The following CLPB variants were observed in gnomAD, a reference collection of about 807,000 sequenced individuals.
CLPB encodes mitochondrial disaggregase.
Under a neutral mutation model 78.4 loss-of-function variants are expected in CLPB, and 40 were observed. The ratio of observed to expected loss-of-function variants is 0.51; its 90% CI spans 0.40 to 0.66. CLPB has a LOEUF of 0.66. CLPB is among the 30% of genes least tolerant of loss of function. The pLI, the probability that CLPB is intolerant of heterozygous loss-of-function variation, is 0.00. For synonymous variants in CLPB, 333 were observed against 348.0 expected, an observed-to-expected ratio of 0.96 and a Z score of 0.48; for missense variants, 780 against 886.9, an observed-to-expected ratio of 0.88 and a Z score of 1.53.
Position 72,380,928 on chromosome 11 carries a change from G to A in CLPB, c.543-544C>T, listed in dbSNP as rs114873430. ...CAGCTCAAAGTGTGATAAAGGTTAC[G>A]ACAGGAGAAACGTGCAGCAGACCAA... On this transcript the variant is annotated intron_variant, in intron 3 of 15. Transcript: ENST00000538039. Among the ~76,000 whole-genome samples the A allele has an allele frequency of 3.4e-3, 511 of 152,268 alleles. 6 individuals are homozygous for A. The highest frequency in any genetic ancestry group is 0.012 in the African/African-American group (479 of 41,554).
chr11:72,407,543 T>C (rs934209386), intron 2 of CLPB, among the ~76,000 whole-genome samples: 3 of 152,146 alleles, frequency 2.0e-5, no homozygotes, highest in Non-Finnish European at 4.4e-5. Context: ...CCTGCTATCA[T>C]AGAACTCCTG....
At chr11:72,372,888 G>A in intron 4 of CLPB, 1 of 1,559,864 alleles carries the variant, frequency 6.4e-7, no homozygotes, top group South Asian at 1.1e-5. Context: ...CATGTCCTGG[G>A]GAGGGGGAGA....
intron 4 of CLPB, among the ~76,000 whole-genome samples, chr11:72,360,587 C>T (rs1950819620): frequency 6.6e-6 from 1 of 152,098 alleles, no homozygotes; most frequent in Non-Finnish European, 1.5e-5. Flanking sequence ...CAGGTGCCCG[C>T]CACCACAGCC....
In CLPB at chr11:72,293,366, GC is replaced by G. The variant is rs1474136193; in HGVS notation, c.2034del (p.Ter678TyrfsTer24). ...LHPEKVCNTI[*>X] ...GGCACATAGGAGCAGGCAGGTGGCTGCTAGATGGTGTTGCACACCTTCTCAG... is the reference window on the plus strand; with the variant it reads ...GGCACATAGGAGCAGGCAGGTGGCTGTAGATGGTGTTGCACACCTTCTCAG... On this transcript the variant is annotated frameshift_variant and stop_lost, in exon 16 of 16. Coordinates refer to ENST00000538039, the MANE Select transcript of CLPB (RefSeq NM_001258392.3). LOFTEE classifies it high-confidence loss of function. 2 of 1,612,696 alleles carry G rather than the reference GC, an allele frequency of 1.2e-6. No individual in the cohort carries two copies. Among genetic ancestry groups the G allele is most frequent in the Non-Finnish European group, 1.7e-6 (2 of 1,178,820 alleles).
intron 2 of CLPB, among the ~76,000 whole-genome samples, chr11:72,421,098 G>A (rs1856183927): frequency 6.6e-6 from 1 of 152,208 alleles, no homozygotes; most frequent in Admixed American, 6.5e-5. Context: ...AGGGTGGGAG[G>A]ACCAGCTTTT....
chr11:72,332,050 CTT>C (rs547229056), intron 5 of CLPB, among the ~76,000 whole-genome samples: 59 of 152,216 alleles, frequency 3.9e-4, no homozygotes, highest in African/African-American at 1.4e-3. Flanking sequence ...GTGAAGGAAA[CTT>C]TTATTATCAG....
At chr11:72,318,682 T>A (rs1388087489) in intron 6 of CLPB, among the ~76,000 whole-genome samples, 1 of 152,156 alleles carries the variant, frequency 6.6e-6, no homozygotes, top group Non-Finnish European at 1.5e-5. Flanking sequence ...TTAAAAAAAA[T>A]AAATAGCAAA....
chr11:72,294,144 G>A lies in CLPB; in HGVS notation c.1681-18C>T, dbSNP rs1222601651. 5 of 1,612,398 alleles carry A rather than the reference G, an allele frequency of 3.1e-6. No homozygotes were observed. Among genetic ancestry groups the A allele is most frequent in the Non-Finnish European group, 4.2e-6 (5 of 1,178,744 alleles). ...TGCTTGGCCTGAGATGGGTCAGATA[G>A]AAGCATGCCTGCATGTGGCCCACTG... On this transcript the variant is annotated intron_variant, in intron 14 of 15. Coordinates refer to ENST00000538039, the MANE Select transcript of CLPB (RefSeq NM_001258392.3).
chr11:72,402,681 C>T (rs1565487575), intron 3 of CLPB, among the ~76,000 whole-genome samples: 1 of 152,230 alleles, frequency 6.6e-6, no homozygotes, highest in Non-Finnish European at 1.5e-5. Flanking sequence ...ATAAACACAA[C>T]CAATTACAAC....
chr11:72,337,744 G>T (rs1167559321), intron 5 of CLPB, among the ~76,000 whole-genome samples: 1 of 152,138 alleles, frequency 6.6e-6, no homozygotes, highest in Admixed American at 6.5e-5. Flanking sequence ...AAGGCCTGAT[G>T]ACTCAAAAAG....
chr11:72,298,542 G>A (rs568923416), intron 11 of CLPB, among the ~76,000 whole-genome samples: 1 of 152,322 alleles, frequency 6.6e-6, no homozygotes. Flanking sequence ...CTGTTGCCCA[G>A]GTTGGAGCGC....
chr11:72,394,950 C>G (rs971263708), intron 3 of CLPB, among the ~76,000 whole-genome samples: 1 of 152,130 alleles, frequency 6.6e-6, no homozygotes, highest in Non-Finnish European at 1.5e-5. Context: ...TCTTGGGTTC[C>G]CTGCCGGTTG....
At chr11:72,326,023 T>C (rs1390542973) in intron 6 of CLPB, among the ~76,000 whole-genome samples, 1 of 152,164 alleles carries the variant, frequency 6.6e-6, no homozygotes, top group Non-Finnish European at 1.5e-5. Context: ...TTATAACAAC[T>C]TGGTTTTCTG....
Position 72,288,138 on chromosome 11 carries a change from T to TAAAC in CLPB, c.*5225_*5228dup, listed in dbSNP as rs1422752620. 2 of 152,126 alleles carry TAAAC rather than the reference T, an allele frequency of 1.3e-5. No individual in the cohort carries two copies. The highest frequency in any genetic ancestry group is 2.9e-5 in the Non-Finnish European group (2 of 68,018). 9.4% of individuals were successfully genotyped at this position (152,126 alleles called of 1,614,324 possible). A position where few individuals can be genotyped will look rare whatever the true frequency, so the allele number is the denominator to read the frequency against. The stretch of plus-strand genomic sequence containing the variant: ...CCTTTGAGTTTTTCTTTTTGAACAA[T>TAAAC]AAACATGTTACACTTTCATTTCCAA... On this transcript the variant is annotated 3_prime_UTR_variant, in exon 16 of 16. Transcript: ENST00000538039.
intron 4 of CLPB, among the ~76,000 whole-genome samples, chr11:72,360,167 G>A (rs112309022): frequency 4.7e-4 from 72 of 152,264 alleles, no homozygotes; most frequent in African/African-American, 1.6e-3. Context: ...ATTCCCTCCT[G>A]AGCTGAGTTT....
intron 5 of CLPB, among the ~76,000 whole-genome samples, chr11:72,347,543 T>C (rs948802892): frequency 6.6e-6 from 1 of 152,222 alleles, no homozygotes; most frequent in Non-Finnish European, 1.5e-5. Flanking sequence ...TGGACAATTC[T>C]TTGATTGGAG....
intron 1 of CLPB, among the ~76,000 whole-genome samples, chr11:72,432,847 A>T (rs1856586605): frequency 6.6e-6 from 1 of 152,172 alleles, no homozygotes; most frequent in Middle Eastern, 3.2e-3. Context: ...CAAACGAATC[A>T]AAGTCAAGGC....
chr11:72,297,935 CAT>C (rs778213745), intron 11 of CLPB, among the ~76,000 whole-genome samples: 1 of 152,128 alleles, frequency 6.6e-6, no homozygotes, highest in Non-Finnish European at 1.5e-5. Flanking sequence ...TTTCAGTGCT[CAT>C]GTCTCCTCCT....
At chr11:72,433,586 A>G (rs1856611320) in intron 1 of CLPB, among the ~76,000 whole-genome samples, 1 of 142,226 alleles carries the variant, frequency 7.0e-6, no homozygotes, top group Non-Finnish European at 1.5e-5. Flanking sequence ...TAAATAAATA[A>G]ATAAATTGAG....
Sources: allele counts gnomAD v4.1 joint callset (sites outside exome capture counted in the v4.1 genomes callset), GRCh38; gene constraint gnomAD v4.1.1; transcripts MANE v1.5; gene names NCBI Gene and HGNC (gene_info 2026-07-23, HGNC 2026-07-21).